The following CORO2B variants were observed in gnomAD, a reference collection of about 807,000 sequenced individuals.
CORO2B encodes the protein coronin 2B.
CORO2B carries 26 observed loss-of-function variants against 58.8 expected under a neutral mutation model. That is an observed-to-expected ratio of 0.44 (90% CI 0.32 to 0.61). CORO2B has a LOEUF of 0.61. Ranked by LOEUF, CORO2B falls within the 20% of genes least tolerant of loss-of-function variation. The pLI, the probability that CORO2B is intolerant of heterozygous loss-of-function variation, is 0.04. For synonymous variants in CORO2B, 242 were observed against 253.8 expected (o/e 0.95, Z 0.44); for missense variants, 460 against 645.1 (o/e 0.71, Z 3.11).
chr15:68,661,820 A>G (rs1278060453), intron 2 of CORO2B, among the ~76,000 whole-genome samples: 1 of 152,182 alleles, frequency 6.6e-6, no homozygotes, highest in Non-Finnish European at 1.5e-5. Context: ...CAGCCTAGCC[A>G]GCATGGCAAA....
the CORO2B span, among the ~76,000 whole-genome samples, chr15:68,568,273 C>G: frequency 6.6e-6 from 1 of 152,054 alleles, no homozygotes; most frequent in African/African-American, 2.4e-5. Flanking sequence ...CCACCCCACC[C>G]CCATCCCCAC....
chr15:68,719,224 C>T lies in CORO2B; in HGVS notation c.1161C>T (p.Gly387=), dbSNP rs377193285. Residue 387 remains glycine, a synonymous_variant, in exon 10 of 12, where the codon GGC becomes GGT. Transcript: ENST00000261861. ...TGACCCCGGATGAATGGCTGGGAGG[C>T]ATCAACCGAGGTACCACAGCGGGGG... The part of the protein sequence containing the change: ...PALTPDEWLG[G]INRDPVLMSL... 12 of 1,613,902 alleles carry T rather than the reference C, an allele frequency of 7.4e-6. No individual in the cohort carries two copies. Among genetic ancestry groups the T allele is most frequent in the Middle Eastern group, 3.3e-4 (2 of 6,062 alleles).
intron 1 of CORO2B, among the ~76,000 whole-genome samples, chr15:68,605,711 GTTTTTTTTTTT>G (rs35340917): frequency 8.1e-5 from 8 of 99,142 alleles, no homozygotes; most frequent in South Asian, 6.7e-4. Context: ...GGGCTCTTGG[GTTTTTTTTTTT>G]TTTTTTTTTT....
At chr15:68,697,162 T>C (rs1468216917) in intron 3 of CORO2B, among the ~76,000 whole-genome samples, 1 of 148,592 alleles carries the variant, frequency 6.7e-6, no homozygotes, top group Non-Finnish European at 1.5e-5. Flanking sequence ...GGATGGATTG[T>C]TGGATGGATA....
intron 1 of CORO2B, among the ~76,000 whole-genome samples, chr15:68,587,089 C>T (rs1428540772): frequency 7.6e-6 from 1 of 131,596 alleles, no homozygotes; most frequent in Non-Finnish European, 1.6e-5. Context: ...CACACACACA[C>T]ACACACAATT....
At chr15:68,584,108 G>C (rs1899497082) in intron 1 of CORO2B, among the ~76,000 whole-genome samples, 1 of 152,232 alleles carries the variant, frequency 6.6e-6, no homozygotes, top group Non-Finnish European at 1.5e-5. Flanking sequence ...CAGGACCTTA[G>C]AGGAGAAGGA....
intron 11 of CORO2B, among the ~76,000 whole-genome samples, chr15:68,722,254 G>A (rs1893179510): frequency 1.3e-5 from 2 of 152,160 alleles, no homozygotes; most frequent in Admixed American, 1.3e-4. Context: ...TGGAGGAAAA[G>A]CTTAAAGGGT....
chr15:68,521,773 T>C, the CORO2B span, among the ~76,000 whole-genome samples: 1 of 151,946 alleles, frequency 6.6e-6, no homozygotes, highest in Admixed American at 6.5e-5. Context: ...TTTTTTTTTT[T>C]CTTTCTCACT....
At chr15:68,691,642 A>AAG (rs1161886853) in intron 2 of CORO2B, among the ~76,000 whole-genome samples, 3 of 148,912 alleles carry the variant, frequency 2.0e-5, no homozygotes, top group African/African-American at 4.9e-5. Context: ...AAAAAAAAAA[A>AAG]AAAAGAAAAG....
At chr15:68,559,022 T>C in the CORO2B span, among the ~76,000 whole-genome samples, 1 of 152,136 alleles carries the variant, frequency 6.6e-6, no homozygotes, top group Non-Finnish European at 1.5e-5. This position sits in a 1 kb window ranked among gnomAD's most constrained non-coding sequence, Gnocchi z 4.3. Context: ...TTTTAGTCAG[T>C]AAATATGTTC....
intron 2 of CORO2B, among the ~76,000 whole-genome samples, chr15:68,652,445 G>A (rs1449575118): frequency 1.3e-5 from 2 of 152,140 alleles, no homozygotes; most frequent in Non-Finnish European, 2.9e-5. Flanking sequence ...CACTTCACCC[G>A]GACTGCCTGC....
intron 11 of CORO2B, among the ~76,000 whole-genome samples, chr15:68,721,668 G>C (rs1000303834): frequency 6.6e-6 from 1 of 151,988 alleles, no homozygotes; most frequent in African/African-American, 2.4e-5. Context: ...GGGTACTTGG[G>C]GGTTCATGGT....
At chr15:68,642,582 T>C (rs1400388877) in intron 1 of CORO2B, among the ~76,000 whole-genome samples, 5 of 152,154 alleles carry the variant, frequency 3.3e-5, no homozygotes, top group Non-Finnish European at 7.4e-5. Flanking sequence ...CCAGCAGGTC[T>C]CCCCATGGCC....
chr15:68,581,202 A>T (rs1440850095), intron 1 of CORO2B, among the ~76,000 whole-genome samples: 1 of 150,524 alleles, frequency 6.6e-6, no homozygotes, highest in Non-Finnish European at 1.5e-5. Context: ...ACTATTCAAC[A>T]CTCCTCCACC....
chr15:68,619,677 G>A (rs944291032), intron 1 of CORO2B, among the ~76,000 whole-genome samples: 8 of 152,128 alleles, frequency 5.3e-5, no homozygotes, highest in African/African-American at 1.7e-4. Context: ...GTGTGTGTGT[G>A]TGTATATATA....
At chr15:68,623,031 G>C (rs922215602) in intron 1 of CORO2B, among the ~76,000 whole-genome samples, 5 of 152,082 alleles carry the variant, frequency 3.3e-5, no homozygotes, top group Admixed American at 3.3e-4. Context: ...TGGGTGTGGT[G>C]GTGGGCACCT....
At position 68,714,041 on chromosome 15, in the gene CORO2B, G is replaced by A; in HGVS notation, c.765G>A (p.Gln255=). ...WNTRQIALWD[Q]EDLSMPLIEE... ...CAAGACAGATTGCCCTCTGGGACCA[G>A]GTCAGCCACGGGGAGGCCTGCTGGG... Residue 255 remains glutamine, a splice_region_variant and synonymous_variant, in exon 6 of 12, where the codon CAG becomes CAA. Coordinates refer to ENST00000261861, the MANE Select transcript of CORO2B (RefSeq NM_006091.5). The A allele has an allele frequency of 6.2e-7, 1 of 1,604,800 alleles. No homozygotes were observed. The highest frequency in any genetic ancestry group is 8.5e-7 in the Non-Finnish European group (1 of 1,171,764).
At position 68,645,034 on chromosome 15, in the gene CORO2B, CAG is replaced by C. The variant is rs1400331688; in HGVS notation, c.16-125_16-124del. 4.5e-6 allele frequency: 4 copies of C among 892,484 alleles called. No homozygotes were observed. Among genetic ancestry groups the C allele is most frequent in the African/African-American group, 3.4e-5 (2 of 59,332 alleles). The allele number at this position is 892,484 out of a possible 1,614,324, so 55.3% of individuals were successfully genotyped here. A position where few individuals can be genotyped will look rare whatever the true frequency, so the allele number is the denominator to read the frequency against. Reference sequence around the variant, plus strand: ...CTTCTTCCTTTCCATCTCTTCCTGACAGGGGACCCAGGGCCTGCTCACCTGCT... The same window carrying C: ...CTTCTTCCTTTCCATCTCTTCCTGACGGGACCCAGGGCCTGCTCACCTGCT... On this transcript the variant is annotated intron_variant, in intron 1 of 11. Coordinates refer to ENST00000261861, the MANE Select transcript of CORO2B (RefSeq NM_006091.5). This position sits in a 1 kb window ranked among gnomAD's most constrained non-coding sequence, Gnocchi z 4.5.
intron 8 of CORO2B, among the ~76,000 whole-genome samples, chr15:68,716,303 A>C (rs1253179670): frequency 6.6e-6 from 1 of 152,218 alleles, no homozygotes; most frequent in Admixed American, 6.5e-5. Flanking sequence ...TCTAAGTCTC[A>C]GTTTCCTCAT....
Sources: gnomAD v4.1 joint callset for allele counts (sites outside exome capture counted in the v4.1 genomes callset) on GRCh38, gnomAD v4.1.1 for gene constraint, Gnocchi (gnomAD v3.1) non-coding constraint, MANE v1.5 for transcripts, NCBI Gene and HGNC (gene_info 2026-07-23, HGNC 2026-07-21) for gene names.